KDM3A: variants seen among roughly 807,000 people sequenced by gnomAD.
The protein encoded by KDM3A is lysine demethylase 3A.
KDM3A carries 60 observed loss-of-function variants against 158.0 expected under a neutral mutation model. The ratio of observed to expected loss-of-function variants is 0.38; its 90% CI spans 0.31 to 0.47. KDM3A has a LOEUF of 0.47. Among genes scored for constraint, KDM3A ranks in the 20% least tolerant of loss-of-function variants. The pLI, the probability that KDM3A is intolerant of heterozygous loss-of-function variation, is 0.99. For synonymous variants in KDM3A, 608 were observed against 549.3 expected (o/e 1.11, Z -1.49); for missense variants, 1,319 against 1,574.3 (o/e 0.84, Z 2.74).
Position 86,481,967 on chromosome 2 carries a change from C to A in KDM3A, c.2550C>A (p.Ile850=), listed in dbSNP as rs375164766. ...QPTMPILKNE[I]KCLPPLPPLS... ...CAATGCCAATTTTAAAGAATGAAAT[C>A]AAATGCCTTCCACCCCTCCCACCTT... Residue 850 remains isoleucine, a synonymous_variant, in exon 17 of 26, where the codon ATC becomes ATA. Transcript: ENST00000312912. The A allele has an allele frequency of 4.9e-5, 79 of 1,612,956 alleles. No individual in the cohort carries two copies. The highest frequency in any genetic ancestry group is 6.4e-5 in the Non-Finnish European group (75 of 1,179,720).
intron 4 of KDM3A, 113 bp from the exon 5 acceptor site, chr2:86,454,972 T>C: frequency 6.7e-6 from 4 of 600,576 alleles, no homozygotes; most frequent in Non-Finnish European, 1.2e-5. Flanking sequence ...TCACATGGTT[T>C]GTTGACACTA....
At position 86,484,944 on chromosome 2, in the gene KDM3A, C is replaced by T; in HGVS notation, c.3097C>T (p.Arg1033Cys). 1 of 1,588,076 alleles carries T rather than the reference C, an allele frequency of 6.3e-7. No individual in the cohort carries two copies. Among genetic ancestry groups the T allele is most frequent in the Non-Finnish European group, 8.6e-7 (1 of 1,157,052 alleles). The part of the protein sequence containing the change: ...FWDGFEDVPN[R>C]LKNEKEPMVL... Reference sequence around the variant, plus strand: ...AGTTCATTCTGTTTACCTTTCAGATCGTTTGAAAAATGAAAAAGAACCAAT... The same window carrying T: ...AGTTCATTCTGTTTACCTTTCAGATTGTTTGAAAAATGAAAAAGAACCAAT... Residue 1033 changes from arginine (R) to cysteine (C), a missense_variant and splice_region_variant, in exon 20 of 26, where the codon CGT becomes TGT. Coordinates refer to ENST00000312912, the MANE Select transcript of KDM3A (RefSeq NM_018433.6).
At chr2:86,463,028 T>G (rs772934142) in intron 8 of KDM3A, among the ~76,000 whole-genome samples, 49 of 152,220 alleles carry the variant, frequency 3.2e-4, no homozygotes, top group Non-Finnish European at 6.0e-4. Flanking sequence ...GAGGCAGAGG[T>G]TGCAATGAAC....
At chr2:86,449,424 G>T (rs1220755501) in intron 2 of KDM3A, among the ~76,000 whole-genome samples, 2 of 152,206 alleles carry the variant, frequency 1.3e-5, no homozygotes, top group Non-Finnish European at 2.9e-5. Flanking sequence ...CAATTACAGT[G>T]CAGTTTTATT....
At chr2:86,455,268 C>A in intron 5 of KDM3A, 81 bp downstream of exon 5, 38 of 734,842 alleles carry the variant, frequency 5.2e-5, no homozygotes, top group Non-Finnish European at 8.0e-5. Flanking sequence ...GCCTCTCATT[C>A]ATTTGCTCAT....
chr2:86,490,970 T>G lies in KDM3A; in HGVS notation c.3663T>G (p.Arg1221=). Residue 1221 remains arginine, a synonymous_variant, in exon 24 of 26, where the codon CGT becomes CGG. Coordinates refer to ENST00000312912, the MANE Select transcript of KDM3A (RefSeq NM_018433.6). ...ATTTAGACCGATCATTAAGAAAACG[T>G]CTTCATCAAGAGTATGGAGTTCAAG... ...SWYLDRSLRK[R]LHQEYGVQGW... is the part of the protein sequence containing the mutation. The G allele has an allele frequency of 1.9e-6, 3 of 1,613,994 alleles. No individual in the cohort carries two copies. Among genetic ancestry groups the G allele is most frequent in the Non-Finnish European group, 2.5e-6 (3 of 1,179,890 alleles).
Position 86,492,483 on chromosome 2 carries a change from G to A in KDM3A, c.*364G>A, listed in dbSNP as rs112355084. On this transcript the variant is annotated 3_prime_UTR_variant, in exon 26 of 26. Transcript: ENST00000312912. ...TCACTGCACAGTTTATTTGGGTTGT[G>A]TTTTGTGTCTGAGTCCCCTCCCTCA... The A allele has an allele frequency of 2.0e-3, 359 of 178,834 alleles. No individual in the cohort carries two copies. Among genetic ancestry groups the A allele is most frequent in the African/African-American group, 7.9e-3 (337 of 42,420 alleles). The allele number at this position is 178,834 out of a possible 1,614,324, so 11.1% of individuals were successfully genotyped here.
intron 11 of KDM3A, among the ~76,000 whole-genome samples, chr2:86,474,403 C>G (rs991543631): frequency 6.6e-6 from 1 of 151,166 alleles, no homozygotes; most frequent in African/African-American, 2.4e-5. Context: ...TGGCTCATGC[C>G]TGTAGTCCCA....
intron 21 of KDM3A, chr2:86,487,307 G>A (rs1185281774): frequency 6.6e-6 from 1 of 152,118 alleles, no homozygotes; most frequent in African/African-American, 2.4e-5. Context: ...CCATCCAGAA[G>A]CAAGCATTCA....
chr2:86,484,183 G>A (rs753748708), intron 19 of KDM3A, 25 bp downstream of exon 19: 1 of 1,596,340 alleles, frequency 6.3e-7, no homozygotes, highest in Non-Finnish European at 8.5e-7. Context: ...TCTTTTAAGG[G>A]GGTTGGGGAT....
chr2:86,442,237 C>A lies in KDM3A; in HGVS notation c.186+4C>A. On this transcript the variant is annotated splice_donor_region_variant and intron_variant, in intron 2 of 25. Coordinates refer to ENST00000312912, the MANE Select transcript of KDM3A (RefSeq NM_018433.6). ...CGTTACCAAGAAGGATCTGAAGGTA[C>A]AGGCGGCTCCGGGCCTCTGCCACCG... is the stretch of plus-strand genomic sequence containing the variant. 6.3e-7 allele frequency: 1 copy of A among 1,597,754 alleles called. No individual in the cohort carries two copies. The highest frequency in any genetic ancestry group is 8.6e-7 in the Non-Finnish European group (1 of 1,168,772).
At chr2:86,481,299 T>C (rs1673915655) in intron 16 of KDM3A, among the ~76,000 whole-genome samples, 1 of 152,074 alleles carries the variant, frequency 6.6e-6, no homozygotes, top group Non-Finnish European at 1.5e-5. Flanking sequence ...CAGGCTGGAG[T>C]GCAGTGGCAT....
chr2:86,473,584 A>G (rs1254473225), intron 11 of KDM3A, among the ~76,000 whole-genome samples: 1 of 152,094 alleles, frequency 6.6e-6, no homozygotes, highest in Non-Finnish European at 1.5e-5. Flanking sequence ...GTCTCTACAA[A>G]AAATAGAAAA....
chr2:86,453,015 A>C (rs1008894367), intron 4 of KDM3A, among the ~76,000 whole-genome samples: 4 of 152,170 alleles, frequency 2.6e-5, no homozygotes, highest in Non-Finnish European at 4.4e-5. Context: ...ATTTTGCTTT[A>C]CTGAGTAATA....
chr2:86,448,851 C>T (rs1324835547), intron 2 of KDM3A, among the ~76,000 whole-genome samples: 1 of 152,098 alleles, frequency 6.6e-6, no homozygotes, highest in Non-Finnish European at 1.5e-5. Context: ...AGTTTATTGT[C>T]ATTGGTAGAA....
intron 2 of KDM3A, among the ~76,000 whole-genome samples, chr2:86,445,537 C>T (rs562737734): frequency 1.3e-5 from 2 of 151,802 alleles, no homozygotes; most frequent in South Asian, 2.1e-4. Context: ...GTCCTTTTTT[C>T]TTTGAAGCCT....
chr2:86,469,032 C>T (rs943112812), intron 10 of KDM3A, among the ~76,000 whole-genome samples: 1 of 152,216 alleles, frequency 6.6e-6, no homozygotes, highest in African/African-American at 2.4e-5. Flanking sequence ...ATTAAAATTA[C>T]ATCCTTGAAC....
Position 86,442,047 on chromosome 2 carries a change from C to G in KDM3A, c.-1C>G, listed in dbSNP as rs762240995. 1 of 1,613,968 alleles carries G rather than the reference C, an allele frequency of 6.2e-7. No individual in the cohort carries two copies. Among genetic ancestry groups the G allele is most frequent in the Non-Finnish European group, 8.5e-7 (1 of 1,179,948 alleles). On this transcript the variant is annotated 5_prime_UTR_variant, in exon 2 of 26. Transcript: ENST00000312912. ...GAGCTCTTCCTGCAGGCGTGGAAAC[C>G]ATGGTGCTCACGCTCGGAGAAAGTT...
intron 10 of KDM3A, among the ~76,000 whole-genome samples, chr2:86,468,948 G>A (rs1410962637): frequency 6.6e-6 from 1 of 152,192 alleles, no homozygotes; most frequent in African/African-American, 2.4e-5. Flanking sequence ...GGATAGAACA[G>A]ATAAGATAAC....
Sources: gnomAD v4.1 joint callset for allele counts (sites outside exome capture counted in the v4.1 genomes callset) on GRCh38, gnomAD v4.1.1 for gene constraint, MANE v1.5 for transcripts, NCBI Gene and HGNC (gene_info 2026-07-23, HGNC 2026-07-21) for gene names.